CCNE2: variants seen among roughly 807,000 people sequenced by gnomAD.
The protein encoded by CCNE2 is G1/S-specific cyclin-E2.
A neutral mutation model predicts 56.8 loss-of-function variants in CCNE2; 18 were observed. The observed-to-expected ratio is 0.32, with a 90% CI of 0.22 to 0.47. CCNE2 has a LOEUF of 0.47. CCNE2 is among the 20% of genes least tolerant of loss of function. The pLI, the probability that CCNE2 is intolerant of heterozygous loss-of-function variation, is 1.00. For synonymous variants in CCNE2, 139 were observed against 149.2 expected, an observed-to-expected ratio of 0.93 and a Z score of 0.50; for missense variants, 371 against 467.1, an observed-to-expected ratio of 0.79 and a Z score of 1.90.
chr8:94,893,820 C>T (rs1817334776), intron 4 of CCNE2, 71 bp downstream of exon 4: 1 of 1,425,354 alleles, frequency 7.0e-7, no homozygotes, highest in African/African-American at 1.4e-5. Flanking sequence ...AAGCAATAAA[C>T]ACATAATTCT....
intron 6 of CCNE2, among the ~76,000 whole-genome samples, 170 bp downstream of exon 6, chr8:94,890,245 T>C (rs1042765045): frequency 1.3e-5 from 2 of 152,214 alleles, no homozygotes; most frequent in African/African-American, 4.8e-5. Flanking sequence ...GGTTTTACTC[T>C]TATAGAGTCA....
chr8:94,883,102 C>T (rs1385456860), intron 9 of CCNE2, among the ~76,000 whole-genome samples: 1 of 151,966 alleles, frequency 6.6e-6, no homozygotes, highest in Non-Finnish European at 1.5e-5. Flanking sequence ...GGTGAAACCC[C>T]GCCTCTACTA....
chr8:94,896,103 TCTC>T (rs1353119605), upstream of CCNE2, among the ~76,000 whole-genome samples: 1 of 152,010 alleles, frequency 6.6e-6, no homozygotes, highest in Non-Finnish European at 1.5e-5. Context: ...CTTCCTCTCT[TCTC>T]CACCTCCAAT....
intron 9 of CCNE2, among the ~76,000 whole-genome samples, chr8:94,883,275 CAAAAAA>C (rs111261848): frequency 6.1e-5 from 6 of 99,026 alleles, no homozygotes; most frequent in African/African-American, 2.0e-4. Context: ...GACTCCGTCT[CAAAAAA>C]AAAAAAAACA....
rs764760850 is a variant in CCNE2, at chr8:94,882,206, G to A, written c.1027C>T (p.Leu343=). Residue 343 remains leucine (L), a synonymous_variant, in exon 11 of 12, where the codon CTG becomes TTG. Transcript: ENST00000308108. Reference sequence around the variant, plus strand: ...ATAGGAATCTTCTTAAAAGTCTTCAGCTTCACTGGACTAGTACTTTTTACT... The same window carrying A: ...ATAGGAATCTTCTTAAAAGTCTTCAACTTCACTGGACTAGTACTTTTTACT... ...NVVKSTSPVK[L]KTFKKIPMED... is the part of the protein sequence containing the mutation. 10 of 1,612,966 alleles carry A rather than the reference G, an allele frequency of 6.2e-6. No homozygotes were observed. The highest frequency in any genetic ancestry group is 8.5e-6 in the Non-Finnish European group (10 of 1,179,448).
Position 94,894,266 on chromosome 8 carries a change from A to G in CCNE2, c.-26-19T>C, listed in dbSNP as rs777068405. 6.2e-7 allele frequency: 1 copy of G among 1,611,796 alleles called. No individual in the cohort carries two copies. The highest frequency in any genetic ancestry group is 1.7e-5 in the Admixed American group (1 of 59,966). ...AAAACCTCTGAAGGGGGGAGAGGAA[A>G]AGCCGCAGTCAAGTACATTGTCATT... On this transcript the variant is annotated intron_variant, in intron 1 of 11. Coordinates refer to ENST00000308108, the MANE Select transcript of CCNE2 (RefSeq NM_057749.3).
rs1816799679 is a variant in CCNE2, at chr8:94,881,288, C to A, written c.*344G>T. The stretch of plus-strand genomic sequence containing the variant: ...AAGGTAGCACTTATCCAGTCCAAAA[C>A]TCCAGTGACAAAATTCCTAGTTTAT... On this transcript the variant is annotated 3_prime_UTR_variant, in exon 12 of 12. Transcript: ENST00000308108. 2.8e-6 allele frequency: 1 copy of A among 358,126 alleles called. No individual in the cohort carries two copies. The highest frequency in any genetic ancestry group is 5.0e-6 in the Non-Finnish European group (1 of 201,472). 22.2% of individuals were successfully genotyped at this position (358,126 alleles called of 1,614,324 possible).
At chr8:94,882,679 C>A in intron 10 of CCNE2, 102 bp downstream of exon 10, 1 of 787,452 alleles carries the variant, frequency 1.3e-6, no homozygotes, top group Non-Finnish European at 2.1e-6. Flanking sequence ...TTTTTTTTTG[C>A]CAAAGTTTTA....
intron 6 of CCNE2, among the ~76,000 whole-genome samples, chr8:94,888,584 G>A (rs1264900553): frequency 1.3e-5 from 2 of 151,428 alleles, no homozygotes; most frequent in Non-Finnish European, 2.9e-5. Flanking sequence ...CACCCAGGCT[G>A]GAGTGCAGTG....
rs1817250546 is a variant in CCNE2 at position 94,891,687 on chromosome 8, G to C, written c.317+1131C>G. On this transcript the variant is annotated intron_variant, in intron 5 of 11. Coordinates refer to ENST00000308108, the MANE Select transcript of CCNE2 (RefSeq NM_057749.3). ...AAAAAAAAAAAAAAAAAAACACCAT[G>C]AAGTATTTTTAAAATGTCACTTTAC... 8.0e-6 allele frequency: 4 copies of C among 503,066 alleles called. No individual in the cohort carries two copies. The Admixed American group carries it at 9.4e-5, about 12-fold the overall frequency. The allele number at this position is 503,066 out of a possible 1,614,324, so 31.2% of individuals were successfully genotyped here.
intron 9 of CCNE2, among the ~76,000 whole-genome samples, 159 bp from the exon 10 acceptor site, chr8:94,883,051 G>A (rs576901185): frequency 6.6e-6 from 1 of 152,186 alleles, no homozygotes; most frequent in Non-Finnish European, 1.5e-5. Context: ...CGAGGCGGGT[G>A]GATCACAAGG....
chr8:94,885,034 A>T, intron 9 of CCNE2, 33 bp downstream of exon 9: 1 of 1,591,574 alleles, frequency 6.3e-7, no homozygotes, highest in South Asian at 1.1e-5. Context: ...GTAATTAATA[A>T]CATTACCATT....
rs556711923 is a variant in CCNE2 at position 94,895,195 on chromosome 8, T to C, written c.-45A>G. On this transcript the variant is annotated 5_prime_UTR_variant, in exon 1 of 12. Transcript: ENST00000308108. The stretch of plus-strand genomic sequence containing the variant: ...TCCTCACCGCCAGACCAGCTACCGC[T>C]CGGCTCAGCTGGCGCCGGCGCCAAC... 23 of 985,658 alleles carry C rather than the reference T, an allele frequency of 2.3e-5. No homozygotes were observed. In the Admixed American group the frequency reaches 1.1e-3, roughly 47 times the overall value. 61.1% of individuals were successfully genotyped at this position (985,658 alleles called of 1,614,324 possible).
chr8:94,894,505 C>A, intron 1 of CCNE2: 1 of 454,030 alleles, frequency 2.2e-6, no homozygotes, highest in South Asian at 3.5e-5. Flanking sequence ...ACCTTGAACG[C>A]GCAGGGAGGC....
At chr8:94,893,715 T>C in intron 4 of CCNE2, 176 bp downstream of exon 4, 1 of 638,340 alleles carries the variant, frequency 1.6e-6, no homozygotes, top group Non-Finnish European at 2.7e-6. Flanking sequence ...GCAGCTGTAG[T>C]AGGATTCGGG....
At chr8:94,882,434 T>G in intron 10 of CCNE2, 145 bp from the exon 11 acceptor site, 1 of 661,862 alleles carries the variant, frequency 1.5e-6, no homozygotes, top group Non-Finnish European at 2.4e-6. Context: ...TCAAAACAGA[T>G]TATCACTCTC....
intron 6 of CCNE2, 33 bp downstream of exon 6, chr8:94,890,380 CAG>C (rs1218231018): frequency 1.3e-6 from 2 of 1,525,180 alleles, no homozygotes; most frequent in African/African-American, 2.8e-5. Flanking sequence ...TTCCATCATA[CAG>C]AGACAAAGGA....
At chr8:94,891,737 A>T in intron 5 of CCNE2, 1 of 894,126 alleles carries the variant, frequency 1.1e-6, no homozygotes, top group Non-Finnish European at 1.8e-6. Flanking sequence ...CCATTCTGAC[A>T]TTACAATGGT....
chr8:94,883,447 G>A (rs1489670585), intron 9 of CCNE2, among the ~76,000 whole-genome samples: 1 of 152,164 alleles, frequency 6.6e-6, no homozygotes, highest in Non-Finnish European at 1.5e-5. Flanking sequence ...AGGAAGAGTA[G>A]GAGGCAGAGA....
Sources: allele counts gnomAD v4.1 joint callset (sites outside exome capture counted in the v4.1 genomes callset), GRCh38; gene constraint gnomAD v4.1.1; transcripts MANE v1.5; gene names NCBI Gene and HGNC (gene_info 2026-07-23, HGNC 2026-07-21).